ZFTRAF1: variants seen among roughly 807,000 people sequenced by gnomAD.
ZFTRAF1 encodes zinc finger TRAF-type-containing protein 1.
chr8:144,461,797 G>C, the ZFTRAF1 span, among the ~76,000 whole-genome samples: 1 of 152,348 alleles, frequency 6.6e-6, no homozygotes, highest in Non-Finnish European at 1.5e-5. Context: ...GGCGTCCATA[G>C]GATGTTCAGG....
At chr8:144,458,470 C>T in the ZFTRAF1 span, among the ~76,000 whole-genome samples, 1 of 152,202 alleles carries the variant, frequency 6.6e-6, no homozygotes, top group African/African-American at 2.4e-5. Flanking sequence ...TGTACTGCTG[C>T]CCAGGAGACT....
the ZFTRAF1 span, among the ~76,000 whole-genome samples, chr8:144,460,917 C>T: frequency 1.3e-5 from 2 of 152,132 alleles, no homozygotes; most frequent in African/African-American, 4.8e-5. Context: ...CTGGGAGGAT[C>T]GAAGGTTGTG....
At chr8:144,462,698 G>T in the ZFTRAF1 span, 5 of 141,306 alleles carry the variant, frequency 3.5e-5, no homozygotes, top group South Asian at 9.4e-4. Context: ...GCGCTCCCCC[G>T]ACTAGAAGTT....
chr8:144,450,586 C>A, the ZFTRAF1 span: 2 of 717,994 alleles, frequency 2.8e-6, no homozygotes, highest in African/African-American at 1.7e-5. Flanking sequence ...CCAGCGGTGC[C>A]GTGACCTTGC....
the ZFTRAF1 span, chr8:144,453,308 G>A: frequency 1.7e-5 from 27 of 1,551,180 alleles, no homozygotes; most frequent in Admixed American, 1.4e-4. Flanking sequence ...AAGGCAGCTC[G>A]CTCACGGCTT....
chr8:144,459,141 G>A, the ZFTRAF1 span, among the ~76,000 whole-genome samples: 1,043 of 152,336 alleles, frequency 6.8e-3, 12 homozygotes, highest in African/African-American at 0.024. Context: ...GCAACGTCCC[G>A]GGCACCGCTG....
the ZFTRAF1 span, among the ~76,000 whole-genome samples, chr8:144,461,822 C>T: frequency 3.9e-5 from 6 of 152,018 alleles, no homozygotes; most frequent in Non-Finnish European, 7.4e-5. Context: ...GAGGGACAAA[C>T]TCGGGGGTGT....
chr8:144,461,616 G>C, the ZFTRAF1 span, among the ~76,000 whole-genome samples: 1 of 152,194 alleles, frequency 6.6e-6, no homozygotes, highest in South Asian at 2.1e-4. Flanking sequence ...GGCATGGCAA[G>C]TCCAGTTGGA....
At chr8:144,462,179 C>T in the ZFTRAF1 span, 2 of 410,902 alleles carry the variant, frequency 4.9e-6, no homozygotes, top group Non-Finnish European at 8.6e-6. Flanking sequence ...TCCCGGCCGC[C>T]GGGCCCCGCA....
the ZFTRAF1 span, chr8:144,452,604 G>C: frequency 3.9e-6 from 6 of 1,520,778 alleles, no homozygotes; most frequent in African/African-American, 8.2e-5. Context: ...CACAGACTGA[G>C]CCCCGAACAG....
chr8:144,450,412 G>A, the ZFTRAF1 span: 1 of 717,734 alleles, frequency 1.4e-6, no homozygotes, highest in Non-Finnish European at 2.6e-6. Flanking sequence ...AGAGCCGCAG[G>A]TTGATGTTCT....
chr8:144,452,168 C>T, the ZFTRAF1 span: 4 of 718,658 alleles, frequency 5.6e-6, no homozygotes, highest in African/African-American at 1.7e-5. Context: ...CTGCCTCGGC[C>T]CCTCCTTCCA....
chr8:144,457,583 C>G, the ZFTRAF1 span: 2 of 152,244 alleles, frequency 1.3e-5, no homozygotes, highest in Non-Finnish European at 2.9e-5. Context: ...GCACCCAGCC[C>G]TCCCCCCTGC....
At chr8:144,450,348 G>A in the ZFTRAF1 span, 1,418 of 703,618 alleles carry the variant, frequency 2.0e-3, 6 homozygotes, top group Non-Finnish European at 3.0e-3. Context: ...GATGCCGCCC[G>A]TGGGCTCCTC....
the ZFTRAF1 span, chr8:144,457,388 G>A: frequency 6.6e-6 from 1 of 152,164 alleles, no homozygotes; most frequent in Non-Finnish European, 1.5e-5. Flanking sequence ...TGCTGATGAG[G>A]TGGGATGGGA....
At chr8:144,452,835 AGTGGT>A in the ZFTRAF1 span, among the ~76,000 whole-genome samples, 1 of 152,206 alleles carries the variant, frequency 6.6e-6, no homozygotes, top group Non-Finnish European at 1.5e-5. Context: ...TCTGTTTGGC[AGTGGT>A]GGTCCTGCAC....
chr8:144,460,871 G>A, the ZFTRAF1 span, among the ~76,000 whole-genome samples: 2 of 152,166 alleles, frequency 1.3e-5, no homozygotes, highest in African/African-American at 4.8e-5. Context: ...GTGACAGAGT[G>A]AGACTCCGTC....
At chr8:144,454,428 C>G in the ZFTRAF1 span, 1 of 152,408 alleles carries the variant, frequency 6.6e-6, no homozygotes. Flanking sequence ...GGTGTGTGGG[C>G]TGAGGCATTC....
chr8:144,452,422 T>C, the ZFTRAF1 span: 2 of 1,550,210 alleles, frequency 1.3e-6, no homozygotes, highest in South Asian at 1.2e-5. Flanking sequence ...TGCATCTCCT[T>C]GCGGTGGCTC....
Sources: allele counts gnomAD v4.1 joint callset (sites outside exome capture counted in the v4.1 genomes callset), GRCh38; gene constraint gnomAD v4.1.1; transcripts MANE v1.5; gene names NCBI Gene and HGNC (gene_info 2026-07-23, HGNC 2026-07-21).